The following SPATA16 variants were observed in gnomAD, a reference collection of about 807,000 sequenced individuals.
SPATA16 encodes the protein spermatogenesis associated 16, also known as spermatogenesis-associated protein 16.
Under a neutral mutation model 63.3 loss-of-function variants are expected in SPATA16, and 36 were observed. The ratio of observed to expected loss-of-function variants is 0.57; its 90% CI spans 0.44 to 0.75. SPATA16 has a LOEUF of 0.75. SPATA16 is among the 30% of genes least tolerant of loss of function. The pLI is 0.00. For missense variants in SPATA16, 646 were observed against 679.3 expected (o/e 0.95, Z 0.54); for synonymous variants, 203 against 216.7 (o/e 0.94, Z 0.56).
chr3:173,096,638 C>A (rs1259235496), intron 2 of SPATA16, among the ~76,000 whole-genome samples: 3 of 151,976 alleles, frequency 2.0e-5, no homozygotes, highest in Non-Finnish European at 2.9e-5. Flanking sequence ...GGAAAATAGA[C>A]CTTCTAATAC....
At chr3:173,003,376 C>T (rs1285788056) in intron 4 of SPATA16, among the ~76,000 whole-genome samples, 6 of 152,228 alleles carry the variant, frequency 3.9e-5, no homozygotes, top group Admixed American at 3.3e-4. Flanking sequence ...ATTTCAAACT[C>T]GATGAAATGA....
intron 4 of SPATA16, among the ~76,000 whole-genome samples, chr3:173,011,808 T>G (rs1446981423): frequency 6.6e-6 from 1 of 152,140 alleles, no homozygotes; most frequent in Admixed American, 6.5e-5. Context: ...TATTTATTTA[T>G]TGATGTTTTT....
At chr3:173,135,971 A>G (rs1738535416) in intron 1 of SPATA16, among the ~76,000 whole-genome samples, 1 of 152,216 alleles carries the variant, frequency 6.6e-6, no homozygotes, top group Non-Finnish European at 1.5e-5. Context: ...ACAGCTTGAA[A>G]TTTTACATAC....
At chr3:172,899,504 T>C (rs890815273) in intron 10 of SPATA16, among the ~76,000 whole-genome samples, 4 of 152,048 alleles carry the variant, frequency 2.6e-5, no homozygotes, top group Non-Finnish European at 5.9e-5. Context: ...ATTTTTTAAC[T>C]CTTAAGCTTT....
intron 4 of SPATA16, among the ~76,000 whole-genome samples, chr3:172,981,803 G>C (rs1472650248): frequency 6.6e-6 from 1 of 152,158 alleles, no homozygotes; most frequent in Non-Finnish European, 1.5e-5. Flanking sequence ...TATGGTCTGT[G>C]GGTCCCATCT....
At chr3:172,920,038 C>T (rs1408846273) in intron 8 of SPATA16, among the ~76,000 whole-genome samples, 1 of 152,118 alleles carries the variant, frequency 6.6e-6, no homozygotes, top group East Asian at 1.9e-4. Flanking sequence ...GGAATCATTC[C>T]TATGTTGTGT....
At chr3:172,924,662 C>T (rs977491132) in intron 7 of SPATA16, among the ~76,000 whole-genome samples, 2 of 152,196 alleles carry the variant, frequency 1.3e-5, no homozygotes, top group East Asian at 1.9e-4. Context: ...TGTCTTGTTC[C>T]TCCTAGGTAT....
intron 1 of SPATA16, among the ~76,000 whole-genome samples, chr3:173,137,864 CACACACACAG>C (rs1222722501): frequency 1.3e-5 from 2 of 151,030 alleles, no homozygotes; most frequent in Admixed American, 6.6e-5. Context: ...CACACACACA[CACACACACAG>C]ACACACACAC....
intron 2 of SPATA16, among the ~76,000 whole-genome samples, chr3:173,111,856 G>C (rs979462): frequency 0.3 from 46,181 of 152,054 alleles, 7,343 homozygotes; most frequent in African/African-American, 0.38. Flanking sequence ...TGTTCTAGAA[G>C]AGTGATTCCC....
chr3:172,971,682 G>A (rs1734050637), intron 5 of SPATA16, among the ~76,000 whole-genome samples: 1 of 152,096 alleles, frequency 6.6e-6, no homozygotes, highest in Admixed American at 6.5e-5. Context: ...AATACAATTT[G>A]AGCATAAATA....
rs556779045 is a variant in SPATA16 at position 172,893,496 on chromosome 3, G to A, written c.1588-3804C>T. On this transcript the variant is annotated intron_variant, in intron 10 of 10. Coordinates refer to ENST00000351008, the MANE Select transcript of SPATA16 (RefSeq NM_031955.6). The stretch of plus-strand genomic sequence containing the variant: ...GAAGACACTGATTTCAGGCTTTTAC[G>A]CTCCAGAATTGTGAAATAATACATT... Among the ~76,000 whole-genome samples, 298 of 152,282 alleles carry A rather than the reference G, an allele frequency of 2.0e-3. 1 individual carries two copies. The highest frequency in any genetic ancestry group is 6.9e-3 in the African/African-American group (288 of 41,566).
intron 10 of SPATA16, among the ~76,000 whole-genome samples, chr3:172,898,768 C>A (rs1191367640): frequency 6.6e-6 from 1 of 150,820 alleles, no homozygotes; most frequent in Non-Finnish European, 1.5e-5. Context: ...TTTATTTTGT[C>A]CTTCTTTTTC....
chr3:173,126,415 T>C (rs1738231021), intron 1 of SPATA16, among the ~76,000 whole-genome samples: 1 of 152,212 alleles, frequency 6.6e-6, no homozygotes, highest in Non-Finnish European at 1.5e-5. Flanking sequence ...AAAACATAAA[T>C]GCAATCAGCT....
intron 3 of SPATA16, among the ~76,000 whole-genome samples, chr3:173,026,555 G>A (rs563877619): frequency 4.6e-5 from 7 of 151,546 alleles, no homozygotes; most frequent in Non-Finnish European, 7.4e-5. Flanking sequence ...TCTTCAAAAA[G>A]TTTGATAGTT....
chr3:173,004,725 G>A (rs1734901995), intron 4 of SPATA16, among the ~76,000 whole-genome samples: 1 of 152,092 alleles, frequency 6.6e-6, no homozygotes, highest in African/African-American at 2.4e-5. Flanking sequence ...AACGACAATA[G>A]CTCATTTTTA....
intron 5 of SPATA16, among the ~76,000 whole-genome samples, chr3:172,967,834 G>C (rs1283199596): frequency 6.6e-6 from 1 of 152,176 alleles, no homozygotes; most frequent in East Asian, 1.9e-4. Context: ...CGATGGGACT[G>C]TATAGTTGCA....
intron 10 of SPATA16, among the ~76,000 whole-genome samples, chr3:172,903,744 A>G (rs542653909): frequency 2.0e-5 from 3 of 152,278 alleles, no homozygotes; most frequent in South Asian, 4.1e-4. Flanking sequence ...CTACAAAGGG[A>G]AGGATGGTGA....
At chr3:173,047,482 G>A (rs1333127828) in intron 3 of SPATA16, among the ~76,000 whole-genome samples, 1 of 151,812 alleles carries the variant, frequency 6.6e-6, no homozygotes, top group Non-Finnish European at 1.5e-5. Flanking sequence ...GTATGCCTAT[G>A]GATTTTCTGA....
At chr3:172,937,334 G>A (rs761174215) in intron 6 of SPATA16, among the ~76,000 whole-genome samples, 1 of 152,178 alleles carries the variant, frequency 6.6e-6, no homozygotes, top group Non-Finnish European at 1.5e-5. Context: ...GTTATTAAAT[G>A]TAAAAGTTAC....
Sources: gnomAD v4.1 joint callset for allele counts (sites outside exome capture counted in the v4.1 genomes callset) on GRCh38, gnomAD v4.1.1 for gene constraint, MANE v1.5 for transcripts, NCBI Gene and HGNC (gene_info 2026-07-23, HGNC 2026-07-21) for gene names.